Variants in GSTA5 observed in about 807,000 individuals in gnomAD.
GSTA5 encodes glutathione S-transferase alpha 5.
Under a neutral mutation model 21.8 loss-of-function variants are expected in GSTA5, and 25 were observed. The ratio of observed to expected loss-of-function variants is 1.14; its 90% CI spans 0.83 to 1.60. The LOEUF is 1.60. GSTA5 is among the 40% of genes most tolerant of loss of function. GSTA5 has a pLI of 0.00. For synonymous variants in GSTA5, 102 were observed against 89.5 expected, an observed-to-expected ratio of 1.14 and a Z score of -0.78; for missense variants, 330 against 259.2, an observed-to-expected ratio of 1.27 and a Z score of -1.88.
chr6:52,845,880 T>G, the GSTA5 span, among the ~76,000 whole-genome samples: 2 of 152,216 alleles, frequency 1.3e-5, no homozygotes, highest in Admixed American at 6.5e-5. Context: ...TCTGTAAAGA[T>G]GTATCCAACA....
At chr6:52,833,816 C>A (rs1241486791) in intron 4 of GSTA5, among the ~76,000 whole-genome samples, 1 of 152,196 alleles carries the variant, frequency 6.6e-6, no homozygotes, top group Non-Finnish European at 1.5e-5. Flanking sequence ...CCATGGGGTT[C>A]CATAGACTCA....
intron 3 of GSTA5, among the ~76,000 whole-genome samples, 157 bp from the exon 4 acceptor site, chr6:52,834,439 G>A (rs761930978): frequency 3.9e-5 from 6 of 152,088 alleles, no homozygotes; most frequent in Non-Finnish European, 8.8e-5. Flanking sequence ...AGTTTTACAG[G>A]TATATAGTCA....
At chr6:52,832,878 G>A (rs1764236679) in exon 5 of GSTA5, 1 of 1,614,020 alleles carries the variant, frequency 6.2e-7, no homozygotes, top group Non-Finnish European at 8.5e-7. Context: ...AGGGAAGCTG[G>A]AGATAAGACT....
Position 52,840,081 on chromosome 6 carries a change from A to T in GSTA5, c.87+646T>A, listed in dbSNP as rs1204832047. ...ATCCACTCCCTTACACCTCTCATTT[A>T]TAGTTTGCATTTTACCTCTAACTAC... On this transcript the variant is annotated intron_variant, in intron 1 of 5. Transcript: ENST00000370989. Among the ~76,000 whole-genome samples the T allele has an allele frequency of 1.1e-4, 17 of 152,338 alleles. No individual in the cohort carries two copies. In the South Asian group the frequency reaches 2.1e-3, roughly 19 times the overall value.
chr6:52,837,099 C>A (rs546672634), intron 2 of GSTA5, among the ~76,000 whole-genome samples: 1 of 152,218 alleles, frequency 6.6e-6, no homozygotes, highest in South Asian at 2.1e-4. Context: ...ATATAAGGGT[C>A]CCCTTTTCTG....
intron 1 of GSTA5, among the ~76,000 whole-genome samples, chr6:52,839,098 G>T (rs1337233852): frequency 1.3e-5 from 2 of 151,916 alleles, no homozygotes; most frequent in Non-Finnish European, 2.9e-5. Flanking sequence ...AATTAATAAG[G>T]CATCCAGTTC....
chr6:52,835,691 C>T (rs1032174324), intron 3 of GSTA5, among the ~76,000 whole-genome samples: 1 of 152,276 alleles, frequency 6.6e-6, no homozygotes, highest in African/African-American at 2.4e-5. Flanking sequence ...GCTGTTTCAG[C>T]CTTCTATCCA....
chr6:52,834,329 T>C, intron 3 of GSTA5, 47 bp from the exon 4 acceptor site: 2 of 1,562,930 alleles, frequency 1.3e-6, no homozygotes, highest in Middle Eastern at 1.7e-4. Flanking sequence ...TTGCCTTAGA[T>C]TTTATAGGTT....
exon 4 of GSTA5, chr6:52,834,260 T>C: frequency 6.2e-7 from 1 of 1,613,942 alleles, no homozygotes; most frequent in Non-Finnish European, 8.5e-7. Flanking sequence ...AAATCTACTA[T>C]ACCTTCTGTG....
At chr6:52,839,527 G>A (rs1284848748) in intron 1 of GSTA5, among the ~76,000 whole-genome samples, 2 of 152,208 alleles carry the variant, frequency 1.3e-5, no homozygotes, top group East Asian at 1.9e-4. Context: ...GTGAAGCAAC[G>A]CACAAAGTAC....
At position 52,832,843 on chromosome 6, in the gene GSTA5, C is replaced by T. The variant is rs774257662; in HGVS notation, c.546+16G>A. 4 of 1,613,632 alleles carry T rather than the reference C, an allele frequency of 2.5e-6. No homozygotes were observed. Among genetic ancestry groups the T allele is most frequent in the African/African-American group, 1.3e-5 (1 of 74,984 alleles). ...AGAGATGTGGGGCTGTCTCTCTGGG[C>T]TGTGAAATGGGTCACCTTCAGCAGA... On this transcript the variant is annotated intron_variant, in intron 5 of 5. Transcript: ENST00000370989.
At chr6:52,844,218 C>G (rs1764423368), upstream of GSTA5, among the ~76,000 whole-genome samples, 1 of 152,158 alleles carries the variant, frequency 6.6e-6, no homozygotes, top group Admixed American at 6.6e-5. Context: ...GATTGCAGGA[C>G]CAGAGCTTTT....
At chr6:52,837,105 T>C (rs1394672968) in intron 2 of GSTA5, among the ~76,000 whole-genome samples, 1 of 152,170 alleles carries the variant, frequency 6.6e-6, no homozygotes, top group East Asian at 1.9e-4. Flanking sequence ...GGGTCCCCTT[T>C]TCTGCTCTTC....
At chr6:52,841,588 T>TG (rs960217598), upstream of GSTA5, among the ~76,000 whole-genome samples, 3 of 152,216 alleles carry the variant, frequency 2.0e-5, no homozygotes, top group African/African-American at 4.8e-5. Flanking sequence ...TTTAACTCTG[T>TG]GGGGGGCATT....
At chr6:52,840,059 C>T (rs1764350172) in intron 1 of GSTA5, among the ~76,000 whole-genome samples, 1 of 152,198 alleles carries the variant, frequency 6.6e-6, no homozygotes, top group African/African-American at 2.4e-5. Context: ...TGTTACAATC[C>T]ACTCCCTTAC....
At chr6:52,840,611 C>G (rs1764358933) in intron 1 of GSTA5, 116 bp downstream of exon 1, 3 of 951,658 alleles carry the variant, frequency 3.2e-6, no homozygotes, top group Non-Finnish European at 4.9e-6. Flanking sequence ...TAATTACAGT[C>G]CATTTTTATT....
exon 2 of GSTA5, chr6:52,837,565 T>C: frequency 6.2e-7 from 1 of 1,604,396 alleles, no homozygotes; most frequent in Non-Finnish European, 8.5e-7. Context: ...TACCATTTCT[T>C]AACTTGTCCA....
At chr6:52,837,151 C>T (rs193019347) in intron 2 of GSTA5, among the ~76,000 whole-genome samples, 225 of 152,258 alleles carry the variant, frequency 1.5e-3, no homozygotes, top group African/African-American at 4.7e-3. Flanking sequence ...TACTTTGTCA[C>T]GCCCCCCCAT....
At chr6:52,836,141 TG>T in intron 3 of GSTA5, 94 bp downstream of exon 3, 1 of 1,376,444 alleles carries the variant, frequency 7.3e-7, no homozygotes, top group Non-Finnish European at 1.0e-6. Context: ...AGCCTGCTGC[TG>T]GTCATGATGC....
Sources: allele counts gnomAD v4.1 joint callset (sites outside exome capture counted in the v4.1 genomes callset), GRCh38; gene constraint gnomAD v4.1.1; transcripts MANE v1.5; gene names NCBI Gene and HGNC (gene_info 2026-07-23, HGNC 2026-07-21).